The following BLK variants were observed in gnomAD, a reference collection of about 807,000 sequenced individuals.
The protein encoded by BLK is tyrosine-protein kinase Blk.
BLK carries 64 observed loss-of-function variants against 61.8 expected under a neutral mutation model. The observed-to-expected ratio is 1.03, with a 90% CI of 0.85 to 1.27. The LOEUF (loss-of-function observed/expected upper bound fraction) is 1.27. Ranked by LOEUF, BLK falls within the 50% of genes most tolerant of loss-of-function variation. BLK has a pLI of 0.00. For synonymous variants in BLK, 351 were observed against 272.0 expected, an observed-to-expected ratio of 1.29 and a Z score of -2.86; for missense variants, 853 against 660.5, an observed-to-expected ratio of 1.29 and a Z score of -3.19.
At chr8:11,502,282 A>G (rs527730170) in intron 1 of BLK, among the ~76,000 whole-genome samples, 18 of 151,918 alleles carry the variant, frequency 1.2e-4, no homozygotes, top group African/African-American at 4.3e-4. Context: ...TTAATTTTAT[A>G]TAGTTTTTTT....
chr8:11,563,789 T>C (rs951253648), intron 12 of BLK, 114 bp from the exon 13 acceptor site: 1 of 1,003,438 alleles, frequency 1.0e-6, no homozygotes, highest in African/African-American at 1.6e-5. Context: ...GGTCTGGGAC[T>C]GTGGGCACTG....
chr8:11,520,567 G>C (rs933275384), intron 1 of BLK, among the ~76,000 whole-genome samples: 2 of 151,024 alleles, frequency 1.3e-5, no homozygotes, highest in African/African-American at 2.4e-5. Context: ...ATAATCAAAG[G>C]CATCCCTGTA....
rs771692863 is a variant in BLK at position 11,561,419 on chromosome 8, C to T, written c.1147C>T (p.Arg383Ter). ...CCKIADFGLARIIDSEYTAQE... is the reference protein window; with the variant it reads ...CCKIADFGLA Reference sequence around the variant, plus strand: ...CAAAATTGCTGATTTTGGCTTGGCTCGAATCATCGACAGTGAATACACGGC... The same window carrying T: ...CAAAATTGCTGATTTTGGCTTGGCTTGAATCATCGACAGTGAATACACGGC... The change falls in exon 11 of 13, where the codon CGA (arginine) becomes TGA (stop). Residue 383 changes from arginine (R) to a stop codon, truncating the protein, a stop_gained. Coordinates refer to ENST00000259089, the MANE Select transcript of BLK (RefSeq NM_001715.3). LOFTEE classifies it high-confidence loss of function. 8 of 1,614,010 alleles carry T rather than the reference C, an allele frequency of 5.0e-6. No homozygotes were observed. Among genetic ancestry groups the T allele is most frequent in the Admixed American group, 1.7e-5 (1 of 60,002 alleles).
At chr8:11,558,140 A>T in intron 10 of BLK, 102 bp downstream of exon 10, 1 of 1,213,270 alleles carries the variant, frequency 8.2e-7, no homozygotes, top group Non-Finnish European at 1.2e-6. Context: ...CAGCAGGAGA[A>T]GTCAGGGGGT....
Position 11,494,406 on chromosome 8 carries a change from C to G in BLK, c.-187C>G, listed in dbSNP as rs1178293235. On this transcript the variant is annotated 5_prime_UTR_variant, in exon 1 of 13. Coordinates refer to ENST00000259089, the MANE Select transcript of BLK (RefSeq NM_001715.3). ...GATCGCAGACCGGGGGTGCTGCCAC[C>G]TCTGTCTGCTGCCGGCAGAAAGCCA... The G allele has an allele frequency of 6.6e-6, 1 of 152,296 alleles. No homozygotes were observed. The highest frequency in any genetic ancestry group is 6.5e-5 in the Admixed American group (1 of 15,290). 9.4% of individuals were successfully genotyped at this position (152,296 alleles called of 1,614,324 possible).
chr8:11,547,989 T>C lies in BLK; in HGVS notation c.176-43T>C, dbSNP rs772755122. 11 of 1,548,124 alleles carry C rather than the reference T, an allele frequency of 7.1e-6. No individual in the cohort carries two copies. The South Asian group carries it at 1.0e-4, about 14-fold the overall frequency. ...GCTCACCCCAGCCCCACCTTCCCGC[T>C]TGTGGGCCTGAGTGGTGGTCATCTC... On this transcript the variant is annotated intron_variant, in intron 3 of 12. Transcript: ENST00000259089.
At chr8:11,554,260 C>T (rs1029273053) in intron 6 of BLK, 7 of 203,718 alleles carry the variant, frequency 3.4e-5, no homozygotes, top group Admixed American at 5.2e-5. Context: ...TGAACAGAGC[C>T]CCTGGGCATA....
At chr8:11,545,371 A>T (rs762287629) in intron 2 of BLK, among the ~76,000 whole-genome samples, 2 of 152,216 alleles carry the variant, frequency 1.3e-5, no homozygotes, top group Non-Finnish European at 2.9e-5. Context: ...CAACATGGCG[A>T]AAACCTGTAT....
intron 1 of BLK, among the ~76,000 whole-genome samples, chr8:11,513,533 C>A (rs545764684): frequency 6.6e-6 from 1 of 152,152 alleles, no homozygotes; most frequent in African/African-American, 2.4e-5. Context: ...CCTAAATCTG[C>A]GATGCAATCA....
At chr8:11,561,281 A>G in intron 10 of BLK, 21 bp from the exon 11 acceptor site, 1 of 1,610,304 alleles carries the variant, frequency 6.2e-7, no homozygotes, top group Non-Finnish European at 8.5e-7. Context: ...GCTGTCCTTC[A>G]CCATGTGCCT....
intron 1 of BLK, among the ~76,000 whole-genome samples, chr8:11,519,874 C>A (rs770776033): frequency 6.6e-6 from 1 of 152,204 alleles, no homozygotes. Flanking sequence ...TTGCCGCCCC[C>A]ACTATCAGAA....
At chr8:11,504,135 C>T (rs763527147) in intron 1 of BLK, among the ~76,000 whole-genome samples, 29 of 152,056 alleles carry the variant, frequency 1.9e-4, no homozygotes, top group Non-Finnish European at 3.8e-4. Context: ...ACTGGTCTGG[C>T]CAACATGGCG....
At chr8:11,504,049 C>A (rs918688379) in intron 1 of BLK, among the ~76,000 whole-genome samples, 2 of 152,142 alleles carry the variant, frequency 1.3e-5, no homozygotes, top group East Asian at 3.9e-4. Flanking sequence ...CACATCCAGG[C>A]ACAGTGGCAC....
intron 9 of BLK, 107 bp downstream of exon 9, chr8:11,556,944 A>G (rs750689879): frequency 9.7e-7 from 1 of 1,031,104 alleles, no homozygotes; most frequent in Non-Finnish European, 1.3e-6. Flanking sequence ...GGGGTCCTGC[A>G]GATCTAGGGC....
Position 11,546,258 on chromosome 8 carries a change from G to A in BLK, c.175+155G>A, listed in dbSNP as rs1269709233. On this transcript the variant is annotated intron_variant, in intron 3 of 12. Transcript: ENST00000259089. ...GAGGCCCCGGCTCTGTGCCTCTTGGGGCGTCTCTTCAGGAACCAAGAACAA... is the reference window on the plus strand; with the variant it reads ...GAGGCCCCGGCTCTGTGCCTCTTGGAGCGTCTCTTCAGGAACCAAGAACAA... 5.3e-5 allele frequency among the ~76,000 whole-genome samples: 8 copies of A among 152,278 alleles called. No individual in the cohort carries two copies. The East Asian group carries it at 1.5e-3, about 29-fold the overall frequency.
At chr8:11,529,893 G>T (rs150679064) in intron 1 of BLK, among the ~76,000 whole-genome samples, 37 of 152,270 alleles carry the variant, frequency 2.4e-4, no homozygotes, top group Non-Finnish European at 3.4e-4. Context: ...CTGACCTGAA[G>T]CCTCAAGGAA....
Position 11,524,251 on chromosome 8 carries a change from G to T in BLK, c.-1-18973G>T, listed in dbSNP as rs1039297350. Among the ~76,000 whole-genome samples the T allele has an allele frequency of 2.6e-5, 4 of 152,216 alleles. No homozygotes were observed. The East Asian group carries it at 7.7e-4, about 29-fold the overall frequency. ...ACCAAGTTATGACACAATATAAACA[G>T]TTTGGCCCATTTTTCAAGACTATAT... On this transcript the variant is annotated intron_variant, in intron 1 of 12. Coordinates refer to ENST00000259089, the MANE Select transcript of BLK (RefSeq NM_001715.3).
At chr8:11,563,491 GC>G (rs1801586179) in intron 12 of BLK, among the ~76,000 whole-genome samples, 1 of 152,202 alleles carries the variant, frequency 6.6e-6, no homozygotes, top group African/African-American at 2.4e-5. Context: ...GTGGACGACA[GC>G]CCCCAGCCCC....
chr8:11,561,187 C>G (rs748405303), intron 10 of BLK, 115 bp from the exon 11 acceptor site: 3 of 1,436,192 alleles, frequency 2.1e-6, no homozygotes, highest in Middle Eastern at 1.7e-4. Flanking sequence ...CTACTCCATC[C>G]AAGAAACAGC....
Sources: gnomAD v4.1 joint callset for allele counts (sites outside exome capture counted in the v4.1 genomes callset) on GRCh38, gnomAD v4.1.1 for gene constraint, MANE v1.5 for transcripts, NCBI Gene and HGNC (gene_info 2026-07-23, HGNC 2026-07-21) for gene names.